The following WFDC10B variants were observed in gnomAD, a reference collection of about 807,000 sequenced individuals.
The protein encoded by WFDC10B is WAP four-disulfide core domain 10B, also known as protein WFDC10B.
A neutral mutation model predicts 2.7 loss-of-function variants in WFDC10B; 1 was observed. The observed-to-expected ratio is 0.38, with a 90% CI of 0.13 to 1.79. The LOEUF (loss-of-function observed/expected upper bound fraction) is 1.79, where lower values mean the gene tolerates loss of function less well. Among genes scored for constraint, WFDC10B ranks in the 40% most tolerant of loss-of-function variants. The pLI is 0.33. For missense variants in WFDC10B, 71 were observed against 87.8 expected (o/e 0.81, Z 0.76); for synonymous variants, 26 against 32.2 (o/e 0.81, Z 0.65).
At chr20:45,702,334 A>G in intron 2 of WFDC10B, 1 of 993,608 alleles carries the variant, frequency 1.0e-6, no homozygotes, top group Non-Finnish European at 1.5e-6. Context: ...CCCAAGCTTT[A>G]TTGTTGGCAA....
At chr20:45,704,032 A>C (rs1984285206) in intron 2 of WFDC10B, among the ~76,000 whole-genome samples, 1 of 152,192 alleles carries the variant, frequency 6.6e-6, no homozygotes, top group Admixed American at 6.5e-5. Context: ...CCCAGGGTAA[A>C]CTATGTTGTT....
intron 3 of WFDC10B, among the ~76,000 whole-genome samples, chr20:45,685,378 TTCTCC>T (rs1437682251): frequency 1.3e-5 from 2 of 152,004 alleles, no homozygotes; most frequent in East Asian, 3.9e-4. Context: ...TCATCCCTCC[TTCTCC>T]TCTCCTCTCC....
At chr20:45,691,303 T>G (rs1181977416) in intron 2 of WFDC10B, among the ~76,000 whole-genome samples, 1 of 152,048 alleles carries the variant, frequency 6.6e-6, no homozygotes, top group East Asian at 1.9e-4. Flanking sequence ...TGAAAAAAAA[T>G]GTATATTCTG....
chr20:45,687,212 T>C (rs1427337845), intron 2 of WFDC10B, among the ~76,000 whole-genome samples: 1 of 152,138 alleles, frequency 6.6e-6, no homozygotes, highest in Non-Finnish European at 1.5e-5. Flanking sequence ...TGTATTCTCA[T>C]TGTTCAGCTC....
At chr20:45,701,764 CA>C (rs11480724) in intron 2 of WFDC10B, among the ~76,000 whole-genome samples, 1,533 of 89,092 alleles carry the variant, frequency 0.017, 20 homozygotes, top group African/African-American at 0.057. Context: ...TCCATCATCT[CA>C]AAAAAAAAAA....
At chr20:45,691,660 C>T (rs1234635968) in intron 2 of WFDC10B, among the ~76,000 whole-genome samples, 2 of 151,766 alleles carry the variant, frequency 1.3e-5, no homozygotes, top group African/African-American at 4.8e-5. Flanking sequence ...GGATTGCAAC[C>T]CCTGCCTTTT....
chr20:45,693,991 T>G (rs982860020), intron 2 of WFDC10B, among the ~76,000 whole-genome samples: 1 of 152,202 alleles, frequency 6.6e-6, no homozygotes, highest in African/African-American at 2.4e-5. Flanking sequence ...CTGTTTGTTT[T>G]TTCTTATAAA....
chr20:45,692,997 G>T (rs1983863982), intron 2 of WFDC10B, among the ~76,000 whole-genome samples: 1 of 152,148 alleles, frequency 6.6e-6, no homozygotes, highest in African/African-American at 2.4e-5. Flanking sequence ...ATGTAGAGAT[G>T]GGTTTTTGGT....
rs1371989752 is a variant in WFDC10B at position 45,704,961 on chromosome 20, T to A, written c.-173A>T. ...TCCCAAAGCAAAATTTGTCCTACAC[T>A]TTTGCTTGCCCTCCTTTCACAAGAC... On this transcript the variant is annotated 5_prime_UTR_variant, in exon 1 of 4. In the 5' UTR this introduces an upstream ATG that the reference lacks. Coordinates refer to ENST00000330523, the MANE Select transcript of WFDC10B (RefSeq NM_172006.2). 6.2e-7 allele frequency: 1 copy of A among 1,614,142 alleles called. No homozygotes were observed. The highest frequency in any genetic ancestry group is 8.5e-7 in the Non-Finnish European group (1 of 1,180,020).
At position 45,686,047 on chromosome 20, in the gene WFDC10B, G is replaced by A. The variant is rs1210486793; in HGVS notation, c.-55C>T. The A allele has an allele frequency of 4.4e-6, 7 of 1,593,670 alleles. No individual in the cohort carries two copies. The African/African-American group carries it at 9.4e-5, about 21-fold the overall frequency. ...TGGCCAGGCAGTCACAGACTTCCCT[G>A]CAGAGCTGCCTGTGGAGAGGGAAGG... On this transcript the variant is annotated 5_prime_UTR_variant, in exon 3 of 4. Coordinates refer to ENST00000330523, the MANE Select transcript of WFDC10B (RefSeq NM_172006.2).
At chr20:45,685,807 A>G (rs1043863931) in intron 3 of WFDC10B, 95 bp downstream of exon 3, 3 of 1,533,962 alleles carry the variant, frequency 2.0e-6, no homozygotes, top group South Asian at 1.2e-5. Context: ...GATATGCAGA[A>G]AGGTTGCAAG....
In WFDC10B at chr20:45,685,098, T is replaced by G. The variant is rs1055139046; in HGVS notation, c.92-138A>C. On this transcript the variant is annotated intron_variant, in intron 3 of 3. Coordinates refer to ENST00000330523, the MANE Select transcript of WFDC10B (RefSeq NM_172006.2). Reference sequence around the variant, plus strand: ...TCCTGGACTCTTCAGGGAACTTCCTTCCAGCCCATCACCAATCCTAGTGAT... The same window carrying G: ...TCCTGGACTCTTCAGGGAACTTCCTGCCAGCCCATCACCAATCCTAGTGAT... 3.8e-6 allele frequency: 4 copies of G among 1,065,928 alleles called. No homozygotes were observed. In the African/African-American group the frequency reaches 6.5e-5, roughly 17 times the overall value. The allele number at this position is 1,065,928 out of a possible 1,614,324, so 66.0% of individuals were successfully genotyped here.
chr20:45,687,612 A>G (rs780593411), intron 2 of WFDC10B, among the ~76,000 whole-genome samples: 35 of 152,138 alleles, frequency 2.3e-4, no homozygotes, highest in Non-Finnish European at 4.3e-4. Context: ...GGTTGAACTA[A>G]TTTACATTCC....
In WFDC10B at chr20:45,686,072, G is replaced by A. The variant is rs1390431906; in HGVS notation, c.-64-16C>T. ...GCAGAGCTGCCTGTGGAGAGGGAAG[G>A]AAATAAAGAAGGAATGATCTTCAGC... On this transcript the variant is annotated splice_polypyrimidine_tract_variant and intron_variant, in intron 2 of 3. Transcript: ENST00000330523. 37 of 1,549,522 alleles carry A rather than the reference G, an allele frequency of 2.4e-5. No homozygotes were observed. The highest frequency in any genetic ancestry group is 3.1e-5 in the Non-Finnish European group (35 of 1,145,134).
intron 2 of WFDC10B, among the ~76,000 whole-genome samples, chr20:45,688,807 G>C (rs1197031631): frequency 1.3e-5 from 2 of 152,046 alleles, no homozygotes; most frequent in Non-Finnish European, 2.9e-5. Context: ...GTTCTCTGAT[G>C]GTAGTTTCTT....
chr20:45,704,621 G>T, intron 1 of WFDC10B, 60 bp from the exon 2 acceptor site: 2 of 1,611,142 alleles, frequency 1.2e-6, no homozygotes, highest in South Asian at 1.1e-5. Context: ...ATCCAGGTCT[G>T]ATCCTAGAGC....
chr20:45,685,768 G>C (rs1983591178), intron 3 of WFDC10B, 134 bp downstream of exon 3: 3 of 1,427,748 alleles, frequency 2.1e-6, no homozygotes, highest in Non-Finnish European at 2.8e-6. Flanking sequence ...GGACAGCCCA[G>C]AGTCTGCACA....
rs185297939 is a variant in WFDC10B, at chr20:45,693,755, G to A, written c.-64-7699C>T. The stretch of plus-strand genomic sequence containing the variant: ...TCACCCCTTTCTTTGACTAGGAAAA[G>A]GAACTCCCTGACCCCTTGCGCTTCC... On this transcript the variant is annotated intron_variant, in intron 2 of 3. Transcript: ENST00000330523. 9.8e-5 allele frequency among the ~76,000 whole-genome samples: 15 copies of A among 152,328 alleles called. No individual in the cohort carries two copies. In the East Asian group the frequency reaches 2.7e-3, roughly 27 times the overall value.
intron 2 of WFDC10B, among the ~76,000 whole-genome samples, chr20:45,688,922 A>G (rs1314848099): frequency 6.6e-6 from 1 of 151,940 alleles, no homozygotes; most frequent in Non-Finnish European, 1.5e-5. Context: ...GCCCATGCCT[A>G]TGTCCTGAAT....
Sources: allele counts gnomAD v4.1 joint callset (sites outside exome capture counted in the v4.1 genomes callset), GRCh38; gene constraint gnomAD v4.1.1; transcripts MANE v1.5; gene names NCBI Gene and HGNC (gene_info 2026-07-23, HGNC 2026-07-21).